PCDHGA6: variants seen among roughly 807,000 people sequenced by gnomAD.
The protein encoded by PCDHGA6 is protocadherin gamma-A6.
PCDHGA6 carries 41 observed loss-of-function variants against 60.6 expected under a neutral mutation model. The observed-to-expected ratio is 0.68, with a 90% CI of 0.53 to 0.88. The LOEUF (loss-of-function observed/expected upper bound fraction) is 0.88, where lower values mean the gene tolerates loss of function less well. Among genes scored for constraint, PCDHGA6 ranks in the 40% least tolerant of loss-of-function variants. The pLI, the probability that PCDHGA6 is intolerant of heterozygous loss-of-function variation, is 0.00. For missense variants in PCDHGA6, 1,312 were observed against 1,203.0 expected, an observed-to-expected ratio of 1.09 and a Z score of -1.34; for synonymous variants, 594 against 524.4, an observed-to-expected ratio of 1.13 and a Z score of -1.81.
intron 2 of PCDHGA6, among the ~76,000 whole-genome samples, chr5:141,503,611 A>AG (rs992110793): frequency 6.6e-6 from 1 of 151,948 alleles, no homozygotes; most frequent in Non-Finnish European, 1.5e-5. Flanking sequence ...AAAAAAAAAA[A>AG]AAAGAAAAAA....
intron 1 of PCDHGA6, chr5:141,419,534 G>C: frequency 6.2e-7 from 1 of 1,612,078 alleles, no homozygotes; most frequent in African/African-American, 1.3e-5. Context: ...TAACGACAAC[G>C]CACCGCGGGT....
intron 2 of PCDHGA6, among the ~76,000 whole-genome samples, chr5:141,499,738 A>G (rs1284003023): frequency 2.4e-5 from 3 of 127,268 alleles, no homozygotes; most frequent in South Asian, 2.4e-4. Flanking sequence ...TCTCTTGCCC[A>G]GGCTGTGGCA....
intron 1 of PCDHGA6, among the ~76,000 whole-genome samples, chr5:141,401,772 G>T (rs756327304): frequency 6.6e-6 from 1 of 152,126 alleles, no homozygotes; most frequent in Non-Finnish European, 1.5e-5. Context: ...TAAGTCTTTT[G>T]CTTGGTTTCC....
chr5:141,382,882 A>G, intron 1 of PCDHGA6: 1 of 1,528,134 alleles, frequency 6.5e-7, no homozygotes, highest in Non-Finnish European at 8.8e-7. Context: ...GCGCCTAAGC[A>G]AGAGAAGCAG....
intron 1 of PCDHGA6, chr5:141,440,868 T>G (rs1288344051): frequency 3.9e-5 from 6 of 152,150 alleles, no homozygotes; most frequent in Non-Finnish European, 1.5e-5. Context: ...ATCTAGGATG[T>G]GTACAGCGTC....
Position 141,418,176 on chromosome 5 carries a change from T to G in PCDHGA6, c.2424+41669T>G, listed in dbSNP as rs1197334192. 1 of 1,614,078 alleles carries G rather than the reference T, an allele frequency of 6.2e-7. No individual in the cohort carries two copies. Among genetic ancestry groups the G allele is most frequent in the Non-Finnish European group, 8.5e-7 (1 of 1,179,908 alleles). On this transcript the variant is annotated intron_variant, in intron 1 of 3. Coordinates refer to ENST00000517434, the MANE Select transcript of PCDHGA6 (RefSeq NM_018919.3). ...GAGAGAAGAAGATGTGAGTTGCAAT[T>G]GGAAGCTGTGGTGGAAAATCCTTTA...
Position 141,375,419 on chromosome 5 carries a change from A to G in PCDHGA6, c.1336A>G (p.Asn446Asp), listed in dbSNP as rs756318329. The G allele has an allele frequency of 1.9e-6, 3 of 1,613,982 alleles. No homozygotes were observed. The South Asian group carries it at 3.3e-5, about 18-fold the overall frequency. The stretch of plus-strand genomic sequence containing the variant: ...CATCTCTCTAAATGTGGCAGACACC[A>G]ACGACAACCCGCCCACCTTCCCCCA... ...TIISLNVADT[N>D]DNPPTFPHSS... Residue 446 changes from asparagine to aspartate, a missense_variant, in exon 1 of 4, where the codon AAC (asparagine) becomes GAC (aspartate). Asn to Asp is a conservative substitution (Grantham distance 23, BLOSUM62 1). Coordinates refer to ENST00000517434, the MANE Select transcript of PCDHGA6 (RefSeq NM_018919.3).
intron 1 of PCDHGA6, chr5:141,408,241 G>A: frequency 1.3e-6 from 2 of 1,580,050 alleles, no homozygotes; most frequent in Non-Finnish European, 1.7e-6. Flanking sequence ...GGGCCGGCCC[G>A]CGGCAGGTGC....
chr5:141,410,760 A>C, intron 1 of PCDHGA6: 1 of 1,177,482 alleles, frequency 8.5e-7, no homozygotes. Context: ...ATGTTTTTTC[A>C]ATTATAGTTT....
intron 1 of PCDHGA6, chr5:141,418,133 C>T (rs758498780): frequency 2.5e-6 from 4 of 1,613,924 alleles, no homozygotes; most frequent in Non-Finnish European, 3.4e-6. Flanking sequence ...CCGAATAGAC[C>T]GTGAGCAAAT....
Position 141,432,014 on chromosome 5 carries a change from AACATC to A in PCDHGA6, c.2424+55511_2424+55515del. ...GGATAGGGAACAGGTTCCTAGCTAC[AACATC>A]ACAGTGACCGCCACTGACCGGGGAA... On this transcript the variant is annotated intron_variant, in intron 1 of 3. Transcript: ENST00000517434. This position sits in a 1 kb window ranked among gnomAD's most constrained non-coding sequence, Gnocchi z 6.0. 6.2e-7 allele frequency: 1 copy of A among 1,614,078 alleles called. No individual in the cohort carries two copies. The highest frequency in any genetic ancestry group is 8.5e-7 in the Non-Finnish European group (1 of 1,180,036).
chr5:141,415,744 T>TG (rs2095925177), intron 1 of PCDHGA6: 4 of 404,428 alleles, frequency 9.9e-6, no homozygotes, highest in Admixed American at 2.1e-4. Flanking sequence ...ATTAAGGTTT[T>TG]TTTTTTTTTT....
chr5:141,421,524 G>A (rs375937711), intron 1 of PCDHGA6: 25 of 1,613,940 alleles, frequency 1.5e-5, no homozygotes, highest in Admixed American at 5.0e-5. Context: ...TCTGTGAGAC[G>A]GTGTCCTCCT....
rs746989617 is a variant in PCDHGA6 at position 141,422,853 on chromosome 5, C to G, written c.2424+46346C>G. On this transcript the variant is annotated intron_variant, in intron 1 of 3. Transcript: ENST00000517434. ...TAGCACGTGACAGCGGGGACCCGCC[C>G]CTCAGCAGCAACGTGTCGCTGAGCC... 16 of 1,614,146 alleles carry G rather than the reference C, an allele frequency of 9.9e-6. 1 individual carries two copies. In the South Asian group the frequency reaches 1.6e-4, roughly 17 times the overall value.
intron 1 of PCDHGA6, among the ~76,000 whole-genome samples, chr5:141,379,998 C>A (rs560610207): frequency 7.1e-6 from 1 of 140,462 alleles, no homozygotes; most frequent in South Asian, 2.4e-4. Flanking sequence ...CTCCTGGGTT[C>A]AAGCGATTCT....
intron 1 of PCDHGA6, chr5:141,393,283 C>T (rs2150516449): frequency 6.2e-7 from 1 of 1,613,988 alleles, no homozygotes; most frequent in Middle Eastern, 1.6e-4. Flanking sequence ...CTCCCAGAAG[C>T]TGTTGACCCG....
intron 1 of PCDHGA6, chr5:141,383,378 C>A (rs753458256): frequency 8.1e-6 from 13 of 1,613,884 alleles, no homozygotes; most frequent in Non-Finnish European, 1.1e-5. Flanking sequence ...GCTGGGGATC[C>A]AGATGTGGGC....
chr5:141,437,765 G>C (rs1561886251), intron 1 of PCDHGA6, among the ~76,000 whole-genome samples: 1 of 148,074 alleles, frequency 6.8e-6, no homozygotes, highest in African/African-American at 2.5e-5. Flanking sequence ...TTGAGACAGA[G>C]TCTCAATCTG....
chr5:141,478,259 T>A lies in PCDHGA6; in HGVS notation c.2425-16548T>A, dbSNP rs534973741. ...GGTCACAGTGTTCGGAGTAATCATA[T>A]TCAAAGTTTACAAGTGGAAGCAGTC... On this transcript the variant is annotated intron_variant, in intron 1 of 3. Transcript: ENST00000517434. 3.2e-5 allele frequency: 52 copies of A among 1,614,064 alleles called. No individual in the cohort carries two copies. The highest frequency in any genetic ancestry group is 4.4e-5 in the Non-Finnish European group (52 of 1,180,048).
Sources: gnomAD v4.1 joint callset for allele counts (sites outside exome capture counted in the v4.1 genomes callset) on GRCh38, gnomAD v4.1.1 for gene constraint, Gnocchi (gnomAD v3.1) non-coding constraint, MANE v1.5 for transcripts, NCBI Gene and HGNC (gene_info 2026-07-23, HGNC 2026-07-21) for gene names.